The following RB1CC1 variants were observed in gnomAD, a reference collection of about 807,000 sequenced individuals.
RB1CC1 encodes RB1-inducible coiled-coil protein 1.
Under a neutral mutation model 177.5 loss-of-function variants are expected in RB1CC1, and 46 were observed. That is an observed-to-expected ratio of 0.26 (90% CI 0.20 to 0.33). The LOEUF (loss-of-function observed/expected upper bound fraction) is 0.33, where lower values mean the gene tolerates loss of function less well. RB1CC1 is among the 10% of genes least tolerant of loss of function. RB1CC1 has a pLI of 1.00. For missense variants in RB1CC1, 1,703 were observed against 1,816.3 expected, an observed-to-expected ratio of 0.94 and a Z score of 1.13; for synonymous variants, 666 against 613.6, an observed-to-expected ratio of 1.09 and a Z score of -1.26.
intron 23 of RB1CC1, among the ~76,000 whole-genome samples, 178 bp downstream of exon 23, chr8:52,624,535 ACTAT>A (rs1357389837): frequency 6.6e-6 from 1 of 151,920 alleles, no homozygotes; most frequent in Admixed American, 6.6e-5. Flanking sequence ...ATCTATCTCT[ACTAT>A]CTAAGGGCAG....
chr8:52,632,526 T>C (rs1848838365), intron 20 of RB1CC1, among the ~76,000 whole-genome samples: 2 of 152,244 alleles, frequency 1.3e-5, no homozygotes, highest in South Asian at 4.1e-4. Context: ...TTTAGTTTTT[T>C]AAAAGCTTAA....
rs1851584868 is a variant in RB1CC1, at chr8:52,661,128, T to C, written c.1512A>G (p.Val504=). 6.2e-7 allele frequency: 1 copy of C among 1,613,580 alleles called. No homozygotes were observed. Among genetic ancestry groups the C allele is most frequent in the East Asian group, 2.2e-5 (1 of 44,836 alleles). ...AGTGTTTTATGAACATTTTTCTTCT[T>C]ACAACCTCAACAACAGCTAAGCAGT... ...QMYCLAVVEV[V]RRKMFIKHYR... Residue 504 remains valine, a synonymous_variant, in exon 10 of 24, where the codon GTA becomes GTG. Transcript: ENST00000025008.
intron 7 of RB1CC1, among the ~76,000 whole-genome samples, chr8:52,669,429 C>T (rs553641885): frequency 6.6e-6 from 1 of 152,316 alleles, no homozygotes; most frequent in African/African-American, 2.4e-5. Flanking sequence ...ATGCTGCCTT[C>T]TCTACAGTCG....
Position 52,634,964 on chromosome 8 carries a change from A to C in RB1CC1, c.4397T>G (p.Leu1466Trp), listed in dbSNP as rs1377614307. 1.9e-6 allele frequency: 3 copies of C among 1,609,128 alleles called. No homozygotes were observed. Among genetic ancestry groups the C allele is most frequent in the Non-Finnish European group, 2.5e-6 (3 of 1,177,206 alleles). The change falls in exon 20 of 24, where the codon TTG becomes TGG. Residue 1466 changes from leucine (L) to tryptophan (W), a missense_variant. Physicochemically the swap from Leu to Trp is moderately conservative, Grantham distance 61 (BLOSUM62 -2). Coordinates refer to ENST00000025008, the MANE Select transcript of RB1CC1 (RefSeq NM_014781.5). The part of the protein sequence containing the change: ...KQRIMLLERT[L>W]QLKEEENKRL... ...TTTATTTTCTTCTTCTTTCAATTGCAATGTCTGCAGGTGGAAAAAAGAGAC... is the reference window on the plus strand; with the variant it reads ...TTTATTTTCTTCTTCTTTCAATTGCCATGTCTGCAGGTGGAAAAAAGAGAC...
At chr8:52,708,968 G>T (rs1004058258) in intron 1 of RB1CC1, among the ~76,000 whole-genome samples, 1 of 152,144 alleles carries the variant, frequency 6.6e-6, no homozygotes, top group African/African-American at 2.4e-5. Flanking sequence ...AGCACTTTGG[G>T]AGGCAGAGGC....
intron 18 of RB1CC1, among the ~76,000 whole-genome samples, chr8:52,641,384 C>A (rs1419147904): frequency 5.1e-3 from 493 of 97,218 alleles, no homozygotes; most frequent in Non-Finnish European, 5.9e-3. Flanking sequence ...GACTTCATCT[C>A]AAAAAAAAAA....
At chr8:52,698,221 C>T (rs1325168820) in intron 1 of RB1CC1, among the ~76,000 whole-genome samples, 1 of 152,090 alleles carries the variant, frequency 6.6e-6, no homozygotes, top group South Asian at 2.1e-4. Flanking sequence ...GGACTATGGG[C>T]ATGCACTACC....
chr8:52,712,370 G>A (rs1857128669), intron 1 of RB1CC1, among the ~76,000 whole-genome samples: 1 of 151,824 alleles, frequency 6.6e-6, no homozygotes, highest in African/African-American at 2.4e-5. Context: ...CTTTTCTCAG[G>A]CTAACATAAT....
chr8:52,675,633 G>A (rs1284510589), intron 6 of RB1CC1, among the ~76,000 whole-genome samples: 9 of 151,444 alleles, frequency 5.9e-5, no homozygotes, highest in Non-Finnish European at 1.3e-4. Flanking sequence ...CACTTTGGAA[G>A]GCCAAGGCGG....
intron 4 of RB1CC1, 80 bp from the exon 5 acceptor site, chr8:52,683,799 A>G: frequency 6.4e-7 from 1 of 1,570,040 alleles, no homozygotes; most frequent in Non-Finnish European, 8.6e-7. Context: ...CAATATATGA[A>G]GCAAATAAAC....
intron 1 of RB1CC1, among the ~76,000 whole-genome samples, chr8:52,703,527 C>A (rs1856282453): frequency 6.6e-6 from 1 of 152,270 alleles, no homozygotes; most frequent in Middle Eastern, 3.4e-3. Flanking sequence ...GATTTTCATG[C>A]CTCTACTCAT....
At chr8:52,668,701 T>C (rs1463584421) in intron 7 of RB1CC1, among the ~76,000 whole-genome samples, 1 of 152,178 alleles carries the variant, frequency 6.6e-6, no homozygotes, top group Admixed American at 6.5e-5. Flanking sequence ...TTTGCTGAAA[T>C]TCATGGAACC....
intron 8 of RB1CC1, 79 bp downstream of exon 8, chr8:52,667,942 C>T: frequency 7.2e-7 from 1 of 1,386,702 alleles, no homozygotes. Flanking sequence ...ATGGTGCACA[C>T]CAAATTGATA....
chr8:52,671,233 G>A (rs1017877983), intron 7 of RB1CC1, among the ~76,000 whole-genome samples: 6 of 152,040 alleles, frequency 3.9e-5, no homozygotes, highest in African/African-American at 1.4e-4. Context: ...CCTATGTCTC[G>A]ACTAATTTCC....
Position 52,657,377 on chromosome 8 carries a change from C to A in RB1CC1, c.2452G>T (p.Asp818Tyr). ...SHFSIQTIKE[D>Y]LCHFRTFVQK... ...ACAAATGTTCTAAAGTGGCAAAGGT[C>A]TTCCTTAATGGTTTGTATACTGAAG... Residue 818 changes from aspartate to tyrosine, a missense_variant, in exon 15 of 24, where the codon GAC (aspartate) becomes TAC (tyrosine). Physicochemically the swap from Asp to Tyr is radical, Grantham distance 160 (BLOSUM62 -3). Transcript: ENST00000025008. 1 of 1,614,008 alleles carries A rather than the reference C, an allele frequency of 6.2e-7. No individual in the cohort carries two copies. Among genetic ancestry groups the A allele is most frequent in the South Asian group, 1.1e-5 (1 of 91,076 alleles).
At chr8:52,649,297 T>G (rs1850348327) in intron 15 of RB1CC1, among the ~76,000 whole-genome samples, 1 of 152,156 alleles carries the variant, frequency 6.6e-6, no homozygotes. Context: ...GCAGATACAT[T>G]TGTTACCAGC....
chr8:52,638,550 T>C lies in RB1CC1; in HGVS notation c.4338-2481A>G, dbSNP rs1849326333. On this transcript the variant is annotated intron_variant, in intron 18 of 23. Transcript: ENST00000025008. The stretch of plus-strand genomic sequence containing the variant: ...AAACTGGCATTATTTAAAAGTTTGG[T>C]TTTTATCTTTTATTTATTAAAAATA... 2.0e-5 allele frequency among the ~76,000 whole-genome samples: 3 copies of C among 152,248 alleles called. No homozygotes were observed. The Middle Eastern group carries it at 0.01, about 518-fold the overall frequency.
intron 5 of RB1CC1, among the ~76,000 whole-genome samples, chr8:52,679,763 ATCC>A (rs1329681098): frequency 1.3e-5 from 2 of 152,198 alleles, no homozygotes; most frequent in Non-Finnish European, 2.9e-5. Flanking sequence ...GGAGAACTGA[ATCC>A]TCCTTGTGGG....
intron 1 of RB1CC1, among the ~76,000 whole-genome samples, chr8:52,713,014 AAC>A (rs1192997431): frequency 6.6e-6 from 1 of 152,230 alleles, no homozygotes; most frequent in Non-Finnish European, 1.5e-5. Context: ...TTCTTGATTA[AAC>A]ACACAATTAA....
Sources: gnomAD v4.1 joint callset for allele counts (sites outside exome capture counted in the v4.1 genomes callset) on GRCh38, gnomAD v4.1.1 for gene constraint, MANE v1.5 for transcripts, NCBI Gene and HGNC (gene_info 2026-07-23, HGNC 2026-07-21) for gene names.